TMEM74: variants seen among roughly 807,000 people sequenced by gnomAD.
TMEM74 encodes the protein transmembrane protein 74.
In TMEM74, 13 loss-of-function variants were observed where a neutral mutation model predicts 18.1. The observed-to-expected ratio is 0.72, with a 90% confidence interval of 0.47 to 1.14. The LOEUF (loss-of-function observed/expected upper bound fraction) is 1.14, where lower values mean the gene tolerates loss of function less well. TMEM74 is among the 50% of genes most tolerant of loss of function. TMEM74 has a pLI of 0.00. For synonymous variants in TMEM74, 159 were observed against 146.6 expected, an observed-to-expected ratio of 1.08 and a Z score of -0.61; for missense variants, 372 against 375.9, an observed-to-expected ratio of 0.99 and a Z score of 0.09.
At chr8:108,650,312 C>A (rs1020625025) in intron 2 of TMEM74, among the ~76,000 whole-genome samples, 11 of 152,164 alleles carry the variant, frequency 7.2e-5, no homozygotes, top group African/African-American at 2.4e-4. Flanking sequence ...AATTTATCCT[C>A]TTTCTCCCTC....
chr8:108,689,308 C>A (rs1218214492), intron 1 of TMEM74, among the ~76,000 whole-genome samples: 1 of 152,166 alleles, frequency 6.6e-6, no homozygotes, highest in Non-Finnish European at 1.5e-5. Context: ...GGTTAAGGAA[C>A]CACACCTCCA....
chr8:108,753,200 C>T (rs1813920268), intron 1 of TMEM74, among the ~76,000 whole-genome samples: 1 of 152,026 alleles, frequency 6.6e-6, no homozygotes. Flanking sequence ...TTTAAGAATG[C>T]CATGGGAAGA....
intron 2 of TMEM74, among the ~76,000 whole-genome samples, chr8:108,609,771 G>A (rs1001819172): frequency 6.6e-6 from 1 of 152,188 alleles, no homozygotes; most frequent in Non-Finnish European, 1.5e-5. Context: ...AAGAATGTGA[G>A]GGTCAAAATA....
chr8:108,658,266 T>A (rs552716539), intron 1 of TMEM74, among the ~76,000 whole-genome samples: 2 of 152,186 alleles, frequency 1.3e-5, no homozygotes, highest in African/African-American at 4.8e-5. Flanking sequence ...GGTACATCAG[T>A]CTTTCCACCT....
intron 2 of TMEM74, among the ~76,000 whole-genome samples, chr8:108,632,738 C>G (rs535531144): frequency 1.4e-4 from 21 of 152,062 alleles, no homozygotes; most frequent in Admixed American, 1.2e-3. Context: ...AGGTTTGCCT[C>G]TTGGCTGTGT....
intron 1 of TMEM74, among the ~76,000 whole-genome samples, chr8:108,688,301 T>G (rs1586261515): frequency 6.6e-6 from 1 of 152,228 alleles, no homozygotes; most frequent in South Asian, 2.1e-4. Flanking sequence ...ATATCCTTAT[T>G]TTCTTCCACA....
At chr8:108,659,397 C>T (rs1812878550) in intron 1 of TMEM74, among the ~76,000 whole-genome samples, 1 of 152,148 alleles carries the variant, frequency 6.6e-6, no homozygotes, top group Non-Finnish European at 1.5e-5. Flanking sequence ...AAATGATCCT[C>T]CTTGGATTCT....
chr8:108,609,319 T>TAA (rs1812310435), intron 2 of TMEM74, among the ~76,000 whole-genome samples: 1 of 151,942 alleles, frequency 6.6e-6, no homozygotes, highest in African/African-American at 2.4e-5. Context: ...CTGTTTACCT[T>TAA]GTTTAAGTTT....
chr8:108,621,217 C>T (rs1404333738), intron 2 of TMEM74, among the ~76,000 whole-genome samples: 2 of 152,186 alleles, frequency 1.3e-5, no homozygotes, highest in African/African-American at 4.8e-5. Context: ...AGAGCCAATA[C>T]ATGGTGCTTA....
chr8:108,668,334 C>T (rs1218594950), intron 1 of TMEM74, among the ~76,000 whole-genome samples: 1 of 152,144 alleles, frequency 6.6e-6, no homozygotes, highest in Non-Finnish European at 1.5e-5. Context: ...TTTATATTAT[C>T]TGCAACATTT....
intron 2 of TMEM74, among the ~76,000 whole-genome samples, chr8:108,634,556 CT>C (rs1469572598): frequency 2.0e-5 from 3 of 152,000 alleles, no homozygotes; most frequent in Non-Finnish European, 4.4e-5. Flanking sequence ...ATATTCCACT[CT>C]TTCCAAACCT....
chr8:108,659,869 G>T (rs964812672), intron 1 of TMEM74, among the ~76,000 whole-genome samples: 2 of 151,988 alleles, frequency 1.3e-5, no homozygotes, highest in Non-Finnish European at 2.9e-5. Context: ...TCCTGGACTG[G>T]TCTACATCCA....
At chr8:108,615,342 A>C (rs1475536363) in intron 2 of TMEM74, among the ~76,000 whole-genome samples, 5 of 152,216 alleles carry the variant, frequency 3.3e-5, no homozygotes, top group Non-Finnish European at 5.9e-5. Context: ...ACACATTTGT[A>C]TACTAGAAAG....
chr8:108,700,131 GT>G (rs1337363978), intron 1 of TMEM74, among the ~76,000 whole-genome samples: 2 of 5,902 alleles, frequency 3.4e-4, no homozygotes, highest in Non-Finnish European at 4.4e-4. Flanking sequence ...GCCATAAATG[GT>G]GTGTGTGTGT....
intron 1 of TMEM74, among the ~76,000 whole-genome samples, chr8:108,724,572 T>C (rs1428685383): frequency 6.6e-6 from 1 of 152,168 alleles, no homozygotes; most frequent in African/African-American, 2.4e-5. Context: ...TTTTCCTTCT[T>C]TCAGAAATAA....
intron 1 of TMEM74, among the ~76,000 whole-genome samples, chr8:108,766,597 TTGCATTAG>T (rs1467722854): frequency 2.0e-5 from 3 of 152,164 alleles, no homozygotes. Flanking sequence ...CCATAGGTCT[TTGCATTAG>T]TCAGGGTTCT....
chr8:108,756,598 G>A (rs200356547), intron 1 of TMEM74, among the ~76,000 whole-genome samples: 125 of 49,130 alleles, frequency 2.5e-3, no homozygotes, highest in African/African-American at 6.0e-3. Context: ...GAAAGAAAGA[G>A]AAAGGAAGGA....
chr8:108,740,848 AG>A (rs1334192322), intron 1 of TMEM74, among the ~76,000 whole-genome samples: 2 of 152,234 alleles, frequency 1.3e-5, no homozygotes, highest in Non-Finnish European at 2.9e-5. Flanking sequence ...TATGATTTGA[AG>A]AAACTTGCAC....
At chr8:108,700,130 G>GGGGTGTGTGT (rs145591230) in intron 1 of TMEM74, among the ~76,000 whole-genome samples, 1 of 143,076 alleles carries the variant, frequency 7.0e-6, no homozygotes, top group African/African-American at 2.6e-5. Flanking sequence ...GGCCATAAAT[G>GGGGTGTGTGT]GTGTGTGTGT....
Sources: gnomAD v4.1 joint callset for allele counts (sites outside exome capture counted in the v4.1 genomes callset) on GRCh38, gnomAD v4.1.1 for gene constraint, MANE v1.5 for transcripts, NCBI Gene and HGNC (gene_info 2026-07-23, HGNC 2026-07-21) for gene names.